NRIP1: variants seen among roughly 807,000 people sequenced by gnomAD.
NRIP1 encodes the protein nuclear receptor interacting protein 1.
In NRIP1, 28 loss-of-function variants were observed where a neutral mutation model predicts 75.0. The observed-to-expected ratio is 0.37, with a 90% CI of 0.28 to 0.51. NRIP1 has a LOEUF of 0.51. NRIP1 is among the 20% of genes least tolerant of loss of function. The probability of loss-of-function intolerance (pLI) is 0.92; values close to 1 mark genes in which losing one functional copy is unlikely to be tolerated. For missense variants in NRIP1, 1,435 were observed against 1,343.7 expected, an observed-to-expected ratio of 1.07 and a Z score of -1.06; for synonymous variants, 526 against 487.6, an observed-to-expected ratio of 1.08 and a Z score of -1.04.
chr21:14,991,529 T>A (rs1039218144), intron 3 of NRIP1, among the ~76,000 whole-genome samples: 7 of 152,030 alleles, frequency 4.6e-5, no homozygotes, highest in African/African-American at 1.7e-4. Flanking sequence ...CTCTATCTTG[T>A]AGGACTGATG....
chr21:14,993,806 A>G (rs2087639864), intron 3 of NRIP1, among the ~76,000 whole-genome samples: 1 of 152,080 alleles, frequency 6.6e-6, no homozygotes, highest in African/African-American at 2.4e-5. Context: ...GACAGTGTAT[A>G]TACAACGTCC....
At chr21:15,007,065 G>A (rs1445782340) in intron 3 of NRIP1, among the ~76,000 whole-genome samples, 3 of 152,190 alleles carry the variant, frequency 2.0e-5, no homozygotes, top group Non-Finnish European at 2.9e-5. Flanking sequence ...CACAGGAAGT[G>A]TGGTAGTCCA....
At chr21:15,038,725 T>G (rs1032058245) in intron 2 of NRIP1, among the ~76,000 whole-genome samples, 8 of 152,088 alleles carry the variant, frequency 5.3e-5, no homozygotes, top group African/African-American at 1.9e-4. Flanking sequence ...ACAATTTTTG[T>G]TTTCATTTCC....
At chr21:14,989,313 G>T (rs2087502401) in intron 3 of NRIP1, among the ~76,000 whole-genome samples, 2 of 152,086 alleles carry the variant, frequency 1.3e-5, no homozygotes, top group South Asian at 4.1e-4. Context: ...GATGTCCAAG[G>T]TCATACTTAC....
intron 3 of NRIP1, among the ~76,000 whole-genome samples, chr21:14,979,169 T>C (rs1232427098): frequency 6.6e-6 from 1 of 152,180 alleles, no homozygotes; most frequent in East Asian, 1.9e-4. Flanking sequence ...AGAGTGTAAA[T>C]ACAAAATTAA....
chr21:14,964,394 A>T lies in NRIP1; in HGVS notation c.*322T>A, dbSNP rs965559975. On this transcript the variant is annotated 3_prime_UTR_variant, in exon 4 of 4. Transcript: ENST00000318948. ...CTAATAAAGGCAGCAAAATGCATTAATCCACTATGAATGGAGTTTTACATT... is the reference window on the plus strand; with the variant it reads ...CTAATAAAGGCAGCAAAATGCATTATTCCACTATGAATGGAGTTTTACATT... 1 of 189,796 alleles carries T rather than the reference A, an allele frequency of 5.3e-6. No homozygotes were observed. Among genetic ancestry groups the T allele is most frequent in the African/African-American group, 2.3e-5 (1 of 42,762 alleles). The allele number at this position is 189,796 out of a possible 1,614,324, so 11.8% of individuals were successfully genotyped here.
At chr21:15,000,186 T>C (rs2147112363) in intron 3 of NRIP1, among the ~76,000 whole-genome samples, 1 of 152,320 alleles carries the variant, frequency 6.6e-6, no homozygotes, top group East Asian at 1.9e-4. Context: ...GAGAGATTCC[T>C]GTTTCTTCAA....
intron 2 of NRIP1, among the ~76,000 whole-genome samples, chr21:15,023,227 C>G (rs748648710): frequency 2.0e-5 from 3 of 152,152 alleles, no homozygotes; most frequent in Non-Finnish European, 2.9e-5. Flanking sequence ...TAAATTATAT[C>G]TCAGTAAAGC....
intron 2 of NRIP1, among the ~76,000 whole-genome samples, chr21:15,027,030 A>T (rs904625226): frequency 1.3e-5 from 2 of 152,148 alleles, no homozygotes; most frequent in Non-Finnish European, 2.9e-5. Flanking sequence ...ACCCACAAAA[A>T]CTAAATTAAA....
chr21:15,045,951 C>T (rs1229956703), intron 1 of NRIP1, among the ~76,000 whole-genome samples: 1 of 152,182 alleles, frequency 6.6e-6, no homozygotes, highest in Non-Finnish European at 1.5e-5. Context: ...CATCTTCAGG[C>T]TCCACTTCTA....
At position 14,964,724 on chromosome 21, in the gene NRIP1, ATTCT is replaced by A. The variant is rs776126740; in HGVS notation, c.3465_3468del (p.Lys1155AsnfsTer15). 174 of 1,539,272 alleles carry A rather than the reference ATTCT, an allele frequency of 1.1e-4. No homozygotes were observed. The highest frequency in any genetic ancestry group is 1.6e-4 in the South Asian group (12 of 76,646). On this transcript the variant is annotated frameshift_variant, in exon 4 of 4. Transcript: ENST00000318948. LOFTEE classifies it high-confidence loss of function. ...TGGATGGCAGGTACATTTTATTCTGATTCTTTCTTTATCGTTAGCACGCTTCCCA... is the reference window on the plus strand; with the variant it reads ...TGGATGGCAGGTACATTTTATTCTGATTCTTTATCGTTAGCACGCTTCCCA...
At chr21:14,974,153 A>G (rs2146972947) in intron 3 of NRIP1, 1 of 152,288 alleles carries the variant, frequency 6.6e-6, no homozygotes, top group Non-Finnish European at 1.5e-5. Flanking sequence ...ATTTTTTTTC[A>G]TAAGAATTTA....
intron 2 of NRIP1, among the ~76,000 whole-genome samples, chr21:15,026,664 T>C (rs931170098): frequency 6.6e-6 from 1 of 151,740 alleles, no homozygotes; most frequent in Non-Finnish European, 1.5e-5. Context: ...CATAGGTATA[T>C]CAAAAACAAA....
At chr21:15,014,578 A>C (rs2088181156) in intron 2 of NRIP1, 112 bp from the exon 3 acceptor site, 1 of 396,960 alleles carries the variant, frequency 2.5e-6, no homozygotes, top group African/African-American at 2.1e-5. Context: ...TTCAATGCAA[A>C]AGTAGTCATT....
At chr21:15,045,160 G>T (rs1433722332) in intron 1 of NRIP1, among the ~76,000 whole-genome samples, 1 of 151,990 alleles carries the variant, frequency 6.6e-6, no homozygotes, top group East Asian at 1.9e-4. Flanking sequence ...CAGACAATCA[G>T]CCTGGTTGGG....
Position 14,964,925 on chromosome 21 carries a change from A to G in NRIP1, c.3268T>C (p.Trp1090Arg). Residue 1090 changes from tryptophan (W) to arginine (R), a missense_variant, in exon 4 of 4, where the codon TGG (tryptophan) becomes CGG (arginine). By Grantham distance (101) the Trp-to-Arg change is moderately radical. Coordinates refer to ENST00000318948, the MANE Select transcript of NRIP1 (RefSeq NM_003489.4). ...TSRETQDKDI[W>R]REASSAESVS... is the part of the protein sequence containing the mutation. The stretch of plus-strand genomic sequence containing the variant: ...CTTTCAGCAGATGAAGCCTCCCTCC[A>G]AATGTCCTTGTCTTGTGTTTCTCGA... The G allele has an allele frequency of 6.2e-7, 1 of 1,613,746 alleles. No homozygotes were observed. Among genetic ancestry groups the G allele is most frequent in the Non-Finnish European group, 8.5e-7 (1 of 1,179,806 alleles).
rs1386058067 is a variant in NRIP1 at position 14,967,211 on chromosome 21, G to C, written c.982C>G (p.Gln328Glu). 1 of 1,614,020 alleles carries C rather than the reference G, an allele frequency of 6.2e-7. No individual in the cohort carries two copies. The highest frequency in any genetic ancestry group is 1.7e-5 in the Admixed American group (1 of 59,968). The change falls in exon 4 of 4, where the codon CAG becomes GAG. Residue 328 changes from glutamine to glutamate, a missense_variant. By Grantham distance (29) the Gln-to-Glu change is conservative (BLOSUM62 2). Coordinates refer to ENST00000318948, the MANE Select transcript of NRIP1 (RefSeq NM_003489.4). ...PKGMSSHLNG[Q>E]ARTSSSKLMA... ...AGTTTGCTTGATGATGTTCTTGCCT[G>C]ACCATTAAGATGGCTTGACATTCCT...
At position 14,966,895 on chromosome 21, in the gene NRIP1, C is replaced by G; in HGVS notation, c.1298G>C (p.Ser433Thr). 1 of 1,614,086 alleles carries G rather than the reference C, an allele frequency of 6.2e-7. No individual in the cohort carries two copies. The change falls in exon 4 of 4, where the codon AGT (serine) becomes ACT (threonine). Residue 433 changes from serine (S) to threonine (T), a missense_variant. Physicochemically the swap from Ser to Thr is moderately conservative, Grantham distance 58. Transcript: ENST00000318948. ...SFTDDSSGDE[S>T]SYSNCVPIDL... ...TATGGGAACACAGTTGGAATAAGAA[C>G]TTTCATCACCACTGCTGTCATCTGT...
intron 3 of NRIP1, among the ~76,000 whole-genome samples, chr21:14,976,563 T>C (rs560471537): frequency 6.6e-6 from 1 of 152,312 alleles, no homozygotes; most frequent in African/African-American, 2.4e-5. Flanking sequence ...ATGGGTGCTA[T>C]ATTGATTCTC....
Sources: allele counts gnomAD v4.1 joint callset (sites outside exome capture counted in the v4.1 genomes callset), GRCh38; gene constraint gnomAD v4.1.1; transcripts MANE v1.5; gene names NCBI Gene and HGNC (gene_info 2026-07-23, HGNC 2026-07-21).